ST8SIA5: variants seen among roughly 807,000 people sequenced by gnomAD.
ST8SIA5 encodes ST8 alpha-N-acetyl-neuraminide alpha-2,8-sialyltransferase 5, also known as alpha-2,8-sialyltransferase 8E.
ST8SIA5 carries 24 observed loss-of-function variants against 40.2 expected under a neutral mutation model. The observed-to-expected ratio is 0.60, with a 90% CI of 0.43 to 0.84. The LOEUF (loss-of-function observed/expected upper bound fraction) is 0.84. Ranked by LOEUF, ST8SIA5 falls within the 40% of genes least tolerant of loss-of-function variation. The pLI, the probability that ST8SIA5 is intolerant of heterozygous loss-of-function variation, is 0.00. For synonymous variants in ST8SIA5, 198 were observed against 201.8 expected (o/e 0.98, Z 0.16); for missense variants, 465 against 498.5 (o/e 0.93, Z 0.64).
At position 46,669,469 on chromosome 18, in the gene ST8SIA5, G is replaced by A. The variant is rs1165648276; in HGVS notation, c.*10573C>T. ...AATGGATGGTGAAGGTGTGGAGAAAGTAAAAGTGTCACTTTCCCCCAGAAA... is the reference window on the plus strand; with the variant it reads ...AATGGATGGTGAAGGTGTGGAGAAAATAAAAGTGTCACTTTCCCCCAGAAA... On this transcript the variant is annotated 3_prime_UTR_variant, in exon 7 of 7. Coordinates refer to ENST00000315087, the MANE Select transcript of ST8SIA5 (RefSeq NM_013305.6). 2.0e-5 allele frequency: 3 copies of A among 152,180 alleles called. No homozygotes were observed. Among genetic ancestry groups the A allele is most frequent in the Non-Finnish European group, 4.4e-5 (3 of 68,038 alleles). 9.4% of individuals were successfully genotyped at this position (152,180 alleles called of 1,614,324 possible).
At chr18:46,744,276 G>T (rs536281281) in intron 1 of ST8SIA5, among the ~76,000 whole-genome samples, 16 of 152,270 alleles carry the variant, frequency 1.1e-4, no homozygotes, top group African/African-American at 3.6e-4. Flanking sequence ...TGGCAATTTG[G>T]ATAAAGAGTC....
intron 1 of ST8SIA5, among the ~76,000 whole-genome samples, chr18:46,736,030 T>A (rs1456695449): frequency 6.6e-6 from 1 of 152,150 alleles, no homozygotes; most frequent in Non-Finnish European, 1.5e-5. Context: ...CTCAAAAAGA[T>A]TTTTTTAAAG....
In ST8SIA5 at chr18:46,668,855, A is replaced by C. The variant is rs1173006838; in HGVS notation, c.*11187T>G. On this transcript the variant is annotated 3_prime_UTR_variant, in exon 7 of 7. Transcript: ENST00000315087. Reference sequence around the variant, plus strand: ...TGAGGGCCAGACGTCCCACTGGAGAAGAGTACAGGACGATGGGCTCGGGAG... The same window carrying C: ...TGAGGGCCAGACGTCCCACTGGAGACGAGTACAGGACGATGGGCTCGGGAG... 1.3e-5 allele frequency: 2 copies of C among 152,362 alleles called. No individual in the cohort carries two copies. Among genetic ancestry groups the C allele is most frequent in the Non-Finnish European group, 1.5e-5 (1 of 68,062 alleles). 9.4% of individuals were successfully genotyped at this position (152,362 alleles called of 1,614,324 possible).
At chr18:46,743,414 G>A (rs2040106541) in intron 1 of ST8SIA5, among the ~76,000 whole-genome samples, 1 of 152,168 alleles carries the variant, frequency 6.6e-6, no homozygotes, top group South Asian at 2.1e-4. Context: ...ACTTCGTGAT[G>A]CATGCACAAG....
intron 1 of ST8SIA5, among the ~76,000 whole-genome samples, chr18:46,708,842 A>C (rs1167639501): frequency 1.3e-5 from 2 of 152,120 alleles, no homozygotes; most frequent in Non-Finnish European, 2.9e-5. Context: ...TGAGTATCAA[A>C]ACCTCTTCCT....
intron 3 of ST8SIA5, among the ~76,000 whole-genome samples, chr18:46,689,643 G>A (rs112053687): frequency 0.28 from 42,233 of 148,568 alleles, 7,007 homozygotes; most frequent in Middle Eastern, 0.45. Context: ...GTGCGATCTC[G>A]GCTCACTGCA....
intron 1 of ST8SIA5, among the ~76,000 whole-genome samples, chr18:46,728,083 T>G (rs1470358812): frequency 6.6e-6 from 1 of 151,538 alleles, no homozygotes; most frequent in Non-Finnish European, 1.5e-5. Context: ...TAGTCCCAGC[T>G]ACTCAGGAGG....
chr18:46,721,570 C>A, intron 1 of ST8SIA5: 1 of 968,156 alleles, frequency 1.0e-6, no homozygotes, highest in South Asian at 1.4e-5. Context: ...TGACACATTG[C>A]CTTGGTCATG....
At chr18:46,755,507 C>G (rs1452172479) in intron 1 of ST8SIA5, among the ~76,000 whole-genome samples, 2 of 152,130 alleles carry the variant, frequency 1.3e-5, no homozygotes, top group Admixed American at 1.3e-4. Flanking sequence ...AGAACCTCCC[C>G]TAATCTCTCA....
At chr18:46,694,994 A>G (rs888980823) in intron 2 of ST8SIA5, among the ~76,000 whole-genome samples, 3 of 152,020 alleles carry the variant, frequency 2.0e-5, no homozygotes, top group Non-Finnish European at 4.4e-5. Context: ...CCCTGTCTCC[A>G]CTAAAAATAC....
intron 2 of ST8SIA5, among the ~76,000 whole-genome samples, chr18:46,702,661 C>T (rs997420556): frequency 3.9e-5 from 6 of 152,226 alleles, no homozygotes; most frequent in Non-Finnish European, 8.8e-5. Flanking sequence ...ACTGGAGCTC[C>T]AGTGTCCCTT....
At chr18:46,734,128 G>A (rs754813308) in intron 1 of ST8SIA5, among the ~76,000 whole-genome samples, 2 of 152,116 alleles carry the variant, frequency 1.3e-5, no homozygotes, top group Non-Finnish European at 2.9e-5. Context: ...TTCTGGTTGC[G>A]CCGCATTCTC....
chr18:46,741,013 T>C (rs926911047), intron 1 of ST8SIA5, among the ~76,000 whole-genome samples: 3 of 152,142 alleles, frequency 2.0e-5, no homozygotes, highest in Admixed American at 1.3e-4. Context: ...ACTGAAGAGC[T>C]AAGCACCCAA....
chr18:46,722,261 G>A (rs1447638610), intron 1 of ST8SIA5, among the ~76,000 whole-genome samples: 1 of 152,196 alleles, frequency 6.6e-6, no homozygotes, highest in Non-Finnish European at 1.5e-5. Flanking sequence ...CCAACGCCCT[G>A]TGAATTCCCA....
intron 5 of ST8SIA5, among the ~76,000 whole-genome samples, chr18:46,685,583 C>T (rs765407134): frequency 6.6e-6 from 1 of 152,216 alleles, no homozygotes; most frequent in Non-Finnish European, 1.5e-5. Context: ...CTGACACCAA[C>T]TGAGTGGCCC....
intron 1 of ST8SIA5, among the ~76,000 whole-genome samples, chr18:46,741,814 A>C (rs1281322047): frequency 6.6e-6 from 1 of 152,126 alleles, no homozygotes; most frequent in Non-Finnish European, 1.5e-5. Context: ...TCTAAATACA[A>C]TTTTTGGCTG....
intron 1 of ST8SIA5, among the ~76,000 whole-genome samples, chr18:46,717,824 C>T (rs1400709844): frequency 6.6e-6 from 1 of 151,770 alleles, no homozygotes; most frequent in East Asian, 1.9e-4. Context: ...TTTACTATTT[C>T]CTCGCTTAAT....
In ST8SIA5 at chr18:46,676,721, T is replaced by C. The variant is rs2039341512; in HGVS notation, c.*3321A>G. On this transcript the variant is annotated 3_prime_UTR_variant, in exon 7 of 7. Coordinates refer to ENST00000315087, the MANE Select transcript of ST8SIA5 (RefSeq NM_013305.6). ...GGGTTTAGCACAAAGGAAGACATGA[T>C]GGTTGTTTTGTTTACGGGAATCGAT... 6.6e-6 allele frequency: 1 copy of C among 152,258 alleles called. No individual in the cohort carries two copies. Among genetic ancestry groups the C allele is most frequent in the African/African-American group, 2.4e-5 (1 of 41,458 alleles). 9.4% of individuals were successfully genotyped at this position (152,258 alleles called of 1,614,324 possible).
At chr18:46,700,381 C>G (rs1427237635) in intron 2 of ST8SIA5, among the ~76,000 whole-genome samples, 2 of 152,202 alleles carry the variant, frequency 1.3e-5, no homozygotes, top group African/African-American at 4.8e-5. Flanking sequence ...CACAGATGGA[C>G]TTTAACCTTT....
Sources: allele counts gnomAD v4.1 joint callset (sites outside exome capture counted in the v4.1 genomes callset), GRCh38; gene constraint gnomAD v4.1.1; transcripts MANE v1.5; gene names NCBI Gene and HGNC (gene_info 2026-07-23, HGNC 2026-07-21).